The following CYP2C19 variants were observed in gnomAD, a reference collection of about 807,000 sequenced individuals.
CYP2C19 encodes the protein cytochrome P450 family 2 subfamily C member 19.
CYP2C19 carries 59 observed loss-of-function variants against 40.9 expected under a neutral mutation model. The observed-to-expected ratio is 1.44, with a 90% confidence interval of 1.17 to 1.79. The LOEUF (loss-of-function observed/expected upper bound fraction) is 1.79. CYP2C19 is among the 40% of genes most tolerant of loss of function. The pLI is 0.00. For synonymous variants in CYP2C19, 253 were observed against 208.7 expected (o/e 1.21, Z -1.83); for missense variants, 754 against 596.9 (o/e 1.26, Z -2.74).
intron 5 of CYP2C19, among the ~76,000 whole-genome samples, chr10:94,813,505 G>T (rs970733030): frequency 6.6e-6 from 1 of 152,012 alleles, no homozygotes; most frequent in African/African-American, 2.4e-5. Context: ...TAGAGGGGCA[G>T]TATGGCTACA....
intron 1 of CYP2C19, among the ~76,000 whole-genome samples, chr10:94,771,660 C>A (rs552237335): frequency 6.6e-6 from 1 of 152,024 alleles, no homozygotes; most frequent in South Asian, 2.1e-4. Flanking sequence ...TGTCTCTCAT[C>A]GGAAAGACAA....
intron 6 of CYP2C19, among the ~76,000 whole-genome samples, chr10:94,835,920 T>C (rs772849046): frequency 1.1e-4 from 17 of 152,326 alleles, no homozygotes; most frequent in Non-Finnish European, 2.2e-4. Context: ...CTTTTTGAAG[T>C]CCTTTTTCTA....
intron 3 of CYP2C19, chr10:94,776,433 A>G (rs1406687512): frequency 6.6e-6 from 1 of 152,170 alleles, no homozygotes; most frequent in Non-Finnish European, 1.5e-5. Flanking sequence ...GAATCAGTTT[A>G]TCAGCTTGGA....
chr10:94,829,214 G>T (rs182130287), intron 6 of CYP2C19, among the ~76,000 whole-genome samples: 3,322 of 152,162 alleles, frequency 0.022, 119 homozygotes, highest in African/African-American at 0.074. Context: ...TTGGCCTGCC[G>T]TGCTAGATTG....
At chr10:94,809,046 C>T (rs1848876375) in intron 5 of CYP2C19, among the ~76,000 whole-genome samples, 2 of 152,076 alleles carry the variant, frequency 1.3e-5, no homozygotes, top group Admixed American at 1.3e-4. Context: ...TTTAAATTTC[C>T]ACAAAAAATA....
rs886795789 is a variant in CYP2C19 at position 94,769,046 on chromosome 10, A to G, written c.169-6012A>G. 1.8e-4 allele frequency among the ~76,000 whole-genome samples: 28 copies of G among 152,146 alleles called. 1 individual carries two copies. Among genetic ancestry groups the G allele is most frequent in the Admixed American group, 2.0e-4 (3 of 15,274 alleles). ...ATGCCCACAATTGTTTTAATGTCTT[A>G]GGGTGAGGATAAGCCAGTATAGGCT... On this transcript the variant is annotated intron_variant, in intron 1 of 8. Transcript: ENST00000371321.
intron 5 of CYP2C19, among the ~76,000 whole-genome samples, chr10:94,816,587 T>A (rs1182288871): frequency 6.6e-6 from 1 of 152,136 alleles, no homozygotes; most frequent in Non-Finnish European, 1.5e-5. Flanking sequence ...TTCTTTTTTT[T>A]TTTATTATAC....
chr10:94,765,700 A>G (rs1351957283), intron 1 of CYP2C19, among the ~76,000 whole-genome samples: 1 of 152,126 alleles, frequency 6.6e-6, no homozygotes, highest in Admixed American at 6.5e-5. Context: ...TATGTTTGCC[A>G]TTACAAAGCC....
intron 6 of CYP2C19, among the ~76,000 whole-genome samples, chr10:94,822,855 T>G (rs1209917036): frequency 6.6e-6 from 1 of 152,182 alleles, no homozygotes; most frequent in Non-Finnish European, 1.5e-5. Context: ...TTTCATATGT[T>G]TGTTGGCTGC....
intron 6 of CYP2C19, among the ~76,000 whole-genome samples, chr10:94,842,393 GTTTT>G (rs57865512): frequency 2.3e-5 from 2 of 86,944 alleles, no homozygotes; most frequent in African/African-American, 9.0e-5. Flanking sequence ...TTTAAGTGAA[GTTTT>G]TTTTTTTTTT....
intron 5 of CYP2C19, among the ~76,000 whole-genome samples, chr10:94,812,130 A>G (rs1168592794): frequency 6.6e-6 from 1 of 152,162 alleles, no homozygotes; most frequent in Non-Finnish European, 1.5e-5. Flanking sequence ...TCCTTTGCCT[A>G]TGAAGCTTAA....
At chr10:94,825,462 G>T (rs1262723973) in intron 6 of CYP2C19, among the ~76,000 whole-genome samples, 1 of 149,786 alleles carries the variant, frequency 6.7e-6, no homozygotes, top group Non-Finnish European at 1.5e-5. Context: ...CTTCTTTTGA[G>T]AAGTGTCTGT....
chr10:94,801,107 T>C (rs1259908144), intron 5 of CYP2C19, among the ~76,000 whole-genome samples: 1 of 152,178 alleles, frequency 6.6e-6, no homozygotes, highest in Non-Finnish European at 1.5e-5. Flanking sequence ...GCCTCAATCA[T>C]GCTGGGAGCT....
chr10:94,813,496 A>C (rs937303779), intron 5 of CYP2C19, among the ~76,000 whole-genome samples: 7 of 151,994 alleles, frequency 4.6e-5, no homozygotes, highest in Admixed American at 4.6e-4. Flanking sequence ...GTAGGAATCT[A>C]GAGGGGCAGT....
At chr10:94,810,753 TTCTC>T (rs934408689) in intron 5 of CYP2C19, among the ~76,000 whole-genome samples, 1 of 152,148 alleles carries the variant, frequency 6.6e-6, no homozygotes, top group African/African-American at 2.4e-5. Flanking sequence ...CATTTTTTTG[TTCTC>T]TCTATTTGAT....
chr10:94,809,661 G>A lies in CYP2C19; in HGVS notation c.820-10835G>A, dbSNP rs150790215. Among the ~76,000 whole-genome samples, 148 of 152,104 alleles carry A rather than the reference G, an allele frequency of 9.7e-4. 1 individual carries two copies. The highest frequency in any genetic ancestry group is 3.1e-3 in the African/African-American group (130 of 41,510). On this transcript the variant is annotated intron_variant, in intron 5 of 8. Coordinates refer to ENST00000371321, the MANE Select transcript of CYP2C19 (RefSeq NM_000769.4). ...TCTTGTGCCAGTTTTCAAAGGGAAT[G>A]CTTCCATTTTTGCCCATTCAGTATA... is the stretch of plus-strand genomic sequence containing the variant.
At chr10:94,788,540 T>C (rs1025287718) in intron 5 of CYP2C19, among the ~76,000 whole-genome samples, 7 of 152,024 alleles carry the variant, frequency 4.6e-5, no homozygotes, top group African/African-American at 1.7e-4. Flanking sequence ...ATGCTATCCC[T>C]CCCTGTGTCC....
chr10:94,775,261 T>G (rs1184956543), intron 2 of CYP2C19, 41 bp downstream of exon 2: 3 of 1,613,354 alleles, frequency 1.9e-6, no homozygotes, highest in Admixed American at 3.3e-5. Context: ...GTCTTGGGGA[T>G]GGGGAGGATG....
chr10:94,808,261 A>G (rs1364360780), intron 5 of CYP2C19, among the ~76,000 whole-genome samples: 1 of 151,318 alleles, frequency 6.6e-6, no homozygotes, highest in Non-Finnish European at 1.5e-5. Flanking sequence ...TATTTTAGAT[A>G]TTATAGATTT....
Sources: allele counts gnomAD v4.1 joint callset (sites outside exome capture counted in the v4.1 genomes callset), GRCh38; gene constraint gnomAD v4.1.1; transcripts MANE v1.5; gene names NCBI Gene and HGNC (gene_info 2026-07-23, HGNC 2026-07-21).